Variants in KIF5A observed in about 807,000 individuals in gnomAD.
KIF5A encodes kinesin heavy chain isoform 5A.
Under a neutral mutation model 141.3 loss-of-function variants are expected in KIF5A, and 35 were observed. The ratio of observed to expected loss-of-function variants is 0.25; its 90% CI spans 0.19 to 0.33. The LOEUF (loss-of-function observed/expected upper bound fraction) is 0.33, where lower values mean the gene tolerates loss of function less well. Among genes scored for constraint, KIF5A ranks in the 10% least tolerant of loss-of-function variants. The probability of loss-of-function intolerance (pLI) is 1.00; values close to 1 mark genes in which losing one functional copy is unlikely to be tolerated. For synonymous variants in KIF5A, 448 were observed against 500.2 expected (o/e 0.90, Z 1.39); for missense variants, 861 against 1,314.3 (o/e 0.66, Z 5.33).
At chr12:57,564,016 T>C (rs1471479714) in intron 3 of KIF5A, 92 bp from the exon 4 acceptor site, 2 of 903,366 alleles carry the variant, frequency 2.2e-6, no homozygotes, top group African/African-American at 3.3e-5. Context: ...GTTCTTCTTA[T>C]TGACTCTTGC....
At chr12:57,570,889 C>T (rs910927354) in intron 12 of KIF5A, among the ~76,000 whole-genome samples, 11 of 151,648 alleles carry the variant, frequency 7.3e-5, no homozygotes, top group African/African-American at 1.9e-4. Context: ...CTCCTGGGCT[C>T]GAGGGATCCC....
In KIF5A at chr12:57,584,641, AC is replaced by A. The variant is rs1349629876; in HGVS notation, c.*461del. On this transcript the variant is annotated 3_prime_UTR_variant, in exon 29 of 29. Coordinates refer to ENST00000455537, the MANE Select transcript of KIF5A (RefSeq NM_004984.4). ...CAAACATGCACACACGCATGCACAC[AC>A]ACAAAGCCTTAAGCAGAAGAATGTC... The A allele has an allele frequency of 6.5e-6, 1 of 152,688 alleles. No individual in the cohort carries two copies. Among genetic ancestry groups the A allele is most frequent in the Non-Finnish European group, 1.5e-5 (1 of 68,080 alleles). 9.5% of individuals were successfully genotyped at this position (152,688 alleles called of 1,614,324 possible).
intron 28 of KIF5A, among the ~76,000 whole-genome samples, chr12:57,583,512 C>T (rs1483640684): frequency 2.0e-5 from 3 of 152,104 alleles, no homozygotes; most frequent in Non-Finnish European, 2.9e-5. Context: ...TGAGCTTGGC[C>T]GCTGTAGATT....
intron 21 of KIF5A, 46 bp from the exon 22 acceptor site, chr12:57,577,963 C>A: frequency 6.8e-7 from 1 of 1,475,314 alleles, no homozygotes; most frequent in Non-Finnish European, 9.5e-7. Context: ...AGGAATAGGA[C>A]AGACCTGGTA....
In KIF5A at chr12:57,570,227, A is replaced by T. The variant is rs528296664; in HGVS notation, c.1293+65A>T. The T allele has an allele frequency of 1.7e-4, 245 of 1,471,924 alleles. No homozygotes were observed. The African/African-American group carries it at 3.2e-3, about 19-fold the overall frequency. 91.2% of individuals were successfully genotyped at this position (1,471,924 alleles called of 1,614,324 possible). A position where few individuals can be genotyped will look rare whatever the true frequency, so the allele number is the denominator to read the frequency against. Reference sequence around the variant, plus strand: ...GGATGAGAGGTAGACGATCAAAGAAAATCGCTTATATTGCCTCTTTCTGGT... The same window carrying T: ...GGATGAGAGGTAGACGATCAAAGAATATCGCTTATATTGCCTCTTTCTGGT... On this transcript the variant is annotated intron_variant, in intron 12 of 28. Transcript: ENST00000455537.
In KIF5A at chr12:57,572,486, C is replaced by A. The variant is rs959140467; in HGVS notation, c.1570-94C>A. 2 of 1,527,414 alleles carry A rather than the reference C, an allele frequency of 1.3e-6. No homozygotes were observed. Among genetic ancestry groups the A allele is most frequent in the Non-Finnish European group, 1.8e-6 (2 of 1,111,100 alleles). The allele number at this position is 1,527,414 out of a possible 1,614,324, so 94.6% of individuals were successfully genotyped here. ...GGGCCTGTGTTCTCTTCATAGCAGCCCTCAGGGTCTTGCATGAAGGGAGAG... is the reference window on the plus strand; with the variant it reads ...GGGCCTGTGTTCTCTTCATAGCAGCACTCAGGGTCTTGCATGAAGGGAGAG... On this transcript the variant is annotated intron_variant, in intron 14 of 28. Transcript: ENST00000455537. The surrounding 1 kb of genome is among the most constrained non-coding windows in gnomAD (Gnocchi z 4.2).
rs749561961 is a variant in KIF5A at position 57,567,152 on chromosome 12, C to G, written c.528C>G (p.Ser176Arg). ...GTTGTACTGAACGCTTTGTGTCCAGCCCGGAGGAGATTCTGGATGTGATTG... is the reference window on the plus strand; with the variant it reads ...GTTGTACTGAACGCTTTGTGTCCAGGCCGGAGGAGATTCTGGATGTGATTG... ...VKGCTERFVS[S>R]PEEILDVIDE... The change falls in exon 7 of 29, where the codon AGC becomes AGG. Residue 176 changes from serine to arginine, a missense_variant. Physicochemically the swap from Ser to Arg is moderately radical, Grantham distance 110 (BLOSUM62 -1). Around this residue, in one of 5 missense-constraint regions of KIF5A, gnomAD observed 146 missense variants for 353.4 expected, o/e 0.41. Transcript: ENST00000455537. 1.2e-6 allele frequency: 2 copies of G among 1,612,912 alleles called. No individual in the cohort carries two copies. The highest frequency in any genetic ancestry group is 2.2e-5 in the South Asian group (2 of 91,068).
At chr12:57,578,381 C>A in intron 23 of KIF5A, 39 bp downstream of exon 23, 1 of 1,414,928 alleles carries the variant, frequency 7.1e-7, no homozygotes, top group Non-Finnish European at 1.0e-6. Flanking sequence ...ATTTTTGAGG[C>A]CGGGTAGCTA....
Position 57,567,096 on chromosome 12 carries a change from T to A in KIF5A, c.502-30T>A, listed in dbSNP as rs188610367. On this transcript the variant is annotated intron_variant, in intron 6 of 28. Coordinates refer to ENST00000455537, the MANE Select transcript of KIF5A (RefSeq NM_004984.4). ...AAATACAAACTTAAAAAACAAAGCT[T>A]ATGGGTCACTGTCCATTTGTCCCCC... The A allele has an allele frequency of 5.8e-6, 8 of 1,388,222 alleles. No homozygotes were observed. In the Admixed American group the frequency reaches 1.3e-4, roughly 23 times the overall value. The allele number at this position is 1,388,222 out of a possible 1,614,324, so 86.0% of individuals were successfully genotyped here.
chr12:57,577,707 C>G lies in KIF5A; in HGVS notation c.2301-6C>G. Reference sequence around the variant, plus strand: ...CTTTCCATTTCCCTTATTTCTCTTGCTACAGATTTCTGTACGAGCGACATG... The same window carrying G: ...CTTTCCATTTCCCTTATTTCTCTTGGTACAGATTTCTGTACGAGCGACATG... On this transcript the variant is annotated splice_region_variant and splice_polypyrimidine_tract_variant and intron_variant, in intron 20 of 28. Coordinates refer to ENST00000455537, the MANE Select transcript of KIF5A (RefSeq NM_004984.4). The G allele has an allele frequency of 6.2e-7, 1 of 1,612,752 alleles. No homozygotes were observed. The highest frequency in any genetic ancestry group is 8.5e-7 in the Non-Finnish European group (1 of 1,178,762).
At position 57,563,538 on chromosome 12, in the gene KIF5A, C is replaced by G. The variant is rs1398189654; in HGVS notation, c.217+12C>G. The G allele has an allele frequency of 1.2e-6, 2 of 1,611,616 alleles. No homozygotes were observed. The highest frequency in any genetic ancestry group is 1.7e-6 in the Non-Finnish European group (2 of 1,177,880). ...GCAGATTGTCAAAGGTAATAGATTT[C>G]TTTTTAGAATGTCTCTTCTCAGCAC... is the stretch of plus-strand genomic sequence containing the variant. On this transcript the variant is annotated intron_variant, in intron 2 of 28. Coordinates refer to ENST00000455537, the MANE Select transcript of KIF5A (RefSeq NM_004984.4).
In KIF5A at chr12:57,564,949, C is replaced by T. The variant is rs1882018389; in HGVS notation, c.477C>T (p.Asp159=). 3 of 1,614,058 alleles carry T rather than the reference C, an allele frequency of 1.9e-6. No individual in the cohort carries two copies. Among genetic ancestry groups the T allele is most frequent in the Non-Finnish European group, 2.5e-6 (3 of 1,180,036 alleles). ...VTKTNLSVHE[D]KNRVPFVKGC... ...AGACAAATCTGTCCGTGCACGAGGA[C>T]AAGAACCGGGTGCCATTTGTCAAGG... Residue 159 remains aspartate (D), a synonymous_variant, in exon 6 of 29, where the codon GAC becomes GAT. Coordinates refer to ENST00000455537, the MANE Select transcript of KIF5A (RefSeq NM_004984.4).
rs186494241 is a variant in KIF5A, at chr12:57,580,902, C to T, written c.2539-54C>T. On this transcript the variant is annotated intron_variant, in intron 23 of 28. Transcript: ENST00000455537. ...TGTCCCCTACGCTCCTCTGGGTGACCGTCTTGGGTCACTTGCCTTCCTTTC... is the reference window on the plus strand; with the variant it reads ...TGTCCCCTACGCTCCTCTGGGTGACTGTCTTGGGTCACTTGCCTTCCTTTC... 150 of 1,562,218 alleles carry T rather than the reference C, an allele frequency of 9.6e-5. No individual in the cohort carries two copies. In the East Asian group the frequency reaches 9.9e-4, roughly 10 times the overall value.
chr12:57,583,118 G>C lies in KIF5A; in HGVS notation c.3038G>C (p.Gly1013Ala), dbSNP rs781330396. The C allele has an allele frequency of 6.2e-7, 1 of 1,613,990 alleles. No homozygotes were observed. Among genetic ancestry groups the C allele is most frequent in the Non-Finnish European group, 8.5e-7 (1 of 1,179,962 alleles). The change falls in exon 28 of 29, where the codon GGC becomes GCC. Residue 1013 changes from glycine (G) to alanine (A), a missense_variant. Physicochemically the swap from Gly to Ala is moderately conservative, Grantham distance 60 (BLOSUM62 0). Coordinates refer to ENST00000455537, the MANE Select transcript of KIF5A (RefSeq NM_004984.4). Reference protein sequence around the residue: ...INDNRSDLPCGYEAEDQAKLF... With the variant: ...INDNRSDLPCAYEAEDQAKLF... The stretch of plus-strand genomic sequence containing the variant: ...TCCTCCAGGAGTGACCTGCCGTGTG[G>C]CTATGAGGCTGAGGACCAGGCCAAG...
intron 19 of KIF5A, 152 bp downstream of exon 19, chr12:57,576,530 T>C (rs1882431587): frequency 1.3e-6 from 1 of 741,344 alleles, no homozygotes; most frequent in Admixed American, 2.0e-5. Context: ...AGGAGACACA[T>C]GGAATAACGA....
rs57562029 is a variant in KIF5A, at chr12:57,551,872, G to GTCTCTC, written c.129+1502_129+1507dup. ...CTGTTAACTCAAATGGATGCTTTTG[G>GTCTCTC]TCTCTCTCTCTCTCTCTCTCTCTCT... On this transcript the variant is annotated intron_variant, in intron 1 of 28. Coordinates refer to ENST00000455537, the MANE Select transcript of KIF5A (RefSeq NM_004984.4). 2.3e-4 allele frequency among the ~76,000 whole-genome samples: 33 copies of GTCTCTC among 145,886 alleles called. No homozygotes were observed. In the Middle Eastern group the frequency reaches 0.014, roughly 61 times the overall value.
At position 57,563,011 on chromosome 12, in the gene KIF5A, C is replaced by CTT. The variant is rs375417552; in HGVS notation, c.130-427_130-426dup. Reference sequence around the variant, plus strand: ...TCTCCCACATTTCTTTTCTTTTCTTCTTCTTTTTTTTTTTGAGATGGAGTC... The same window carrying CTT: ...TCTCCCACATTTCTTTTCTTTTCTTCTTTTCTTTTTTTTTTTGAGATGGAGTC... On this transcript the variant is annotated intron_variant, in intron 1 of 28. Coordinates refer to ENST00000455537, the MANE Select transcript of KIF5A (RefSeq NM_004984.4). Among the ~76,000 whole-genome samples, 6 of 147,146 alleles carry CTT rather than the reference C, an allele frequency of 4.1e-5. 1 individual carries two copies. The East Asian group carries it at 9.9e-4, about 24-fold the overall frequency.
At position 57,569,687 on chromosome 12, in the gene KIF5A, A is replaced by G. The variant is rs781028681; in HGVS notation, c.1117+4A>G. 12 of 1,613,328 alleles carry G rather than the reference A, an allele frequency of 7.4e-6. No individual in the cohort carries two copies. Among genetic ancestry groups the G allele is most frequent in the Middle Eastern group, 3.4e-4 (2 of 5,832 alleles). On this transcript the variant is annotated splice_donor_region_variant and intron_variant, in intron 11 of 28. Coordinates refer to ENST00000455537, the MANE Select transcript of KIF5A (RefSeq NM_004984.4). ...GAGCTGAGCCGGTGGCGCAATGGTT[A>G]GAGAGGGATAGGTGGGAGTGAGGGG...
chr12:57,550,213 T>C lies in KIF5A; in HGVS notation c.-59T>C. The C allele has an allele frequency of 6.2e-7, 1 of 1,611,252 alleles. No homozygotes were observed. The highest frequency in any genetic ancestry group is 1.1e-5 in the South Asian group (1 of 91,018). On this transcript the variant is annotated 5_prime_UTR_variant, in exon 1 of 29. Transcript: ENST00000455537. This position sits in a 1 kb window ranked among gnomAD's most constrained non-coding sequence, Gnocchi z 4.6. ...GGCCTCTGCTGAGAGCCCTCTCCTC[T>C]GGAGCACACACCACCCCTGCAGCCC...
Sources: gnomAD v4.1 joint callset for allele counts (sites outside exome capture counted in the v4.1 genomes callset) on GRCh38, gnomAD v4.1.1 for gene constraint, gnomAD v4.1.1 regional missense constraint, Gnocchi (gnomAD v3.1) non-coding constraint, MANE v1.5 for transcripts, NCBI Gene and HGNC (gene_info 2026-07-23, HGNC 2026-07-21) for gene names.